The following ACOT7 variants were observed in gnomAD, a reference collection of about 807,000 sequenced individuals.
ACOT7 encodes the protein acyl-CoA thioesterase 7.
A neutral mutation model predicts 40.2 loss-of-function variants in ACOT7; 12 were observed. That is an observed-to-expected ratio of 0.30 (90% CI 0.19 to 0.48). The LOEUF is 0.48. ACOT7 is among the 20% of genes least tolerant of loss of function. The pLI, the probability that ACOT7 is intolerant of heterozygous loss-of-function variation, is 0.99. For synonymous variants in ACOT7, 228 were observed against 219.5 expected, an observed-to-expected ratio of 1.04 and a Z score of -0.34; for missense variants, 395 against 530.8, an observed-to-expected ratio of 0.74 and a Z score of 2.51.
chr1:6,335,070 C>T (rs1641061085), intron 3 of ACOT7, among the ~76,000 whole-genome samples: 1 of 152,104 alleles, frequency 6.6e-6, no homozygotes, highest in Admixed American at 6.6e-5. Flanking sequence ...GTGGCTCACA[C>T]CTGTAATCCC....
In ACOT7 at chr1:6,303,047, C is replaced by T. The variant is rs768870672; in HGVS notation, c.713-8067G>A. On this transcript the variant is annotated intron_variant, in intron 6 of 8. Transcript: ENST00000361521. ...CCAGAGGGAGCCACCCCGCTTCTGA[C>T]GCTGGAAGCCACTGTCTCCCTTTCA... 4.6e-5 allele frequency among the ~76,000 whole-genome samples: 7 copies of T among 152,340 alleles called. 1 individual carries two copies. The South Asian group carries it at 1.2e-3, about 27-fold the overall frequency.
At position 6,299,109 on chromosome 1, in the gene ACOT7, C is replaced by T. The variant is rs1308994817; in HGVS notation, c.713-4129G>A. On this transcript the variant is annotated intron_variant, in intron 6 of 8. Transcript: ENST00000361521. This position sits in a 1 kb window ranked among gnomAD's most constrained non-coding sequence, Gnocchi z 4.1. ...GGCTGGGAGTGAGTCCCCATCACCTCCGCCACTGCCGGCTGGGTGACCTTG... is the reference window on the plus strand; with the variant it reads ...GGCTGGGAGTGAGTCCCCATCACCTTCGCCACTGCCGGCTGGGTGACCTTG... 2.0e-5 allele frequency among the ~76,000 whole-genome samples: 3 copies of T among 152,244 alleles called. No homozygotes were observed. Among genetic ancestry groups the T allele is most frequent in the African/African-American group, 7.2e-5 (3 of 41,466 alleles).
At chr1:6,373,269 GAGA>G (rs1642166968) in intron 1 of ACOT7, among the ~76,000 whole-genome samples, 1 of 148,422 alleles carries the variant, frequency 6.7e-6, no homozygotes, top group Non-Finnish European at 1.5e-5. Flanking sequence ...TTTTTTTTTT[GAGA>G]AGGAGTCTCG....
At chr1:6,280,732 T>TA (rs2148378455) in intron 8 of ACOT7, among the ~76,000 whole-genome samples, 1 of 152,188 alleles carries the variant, frequency 6.6e-6, no homozygotes, top group South Asian at 2.1e-4. Context: ...CCAGCATTCT[T>TA]ACACAATGCC....
chr1:6,393,534 C>G lies in ACOT7; in HGVS notation c.-135G>C, dbSNP rs1436541011. On this transcript the variant is annotated 5_prime_UTR_variant, in exon 1 of 9. Coordinates refer to ENST00000361521, the MANE Select transcript of ACOT7 (RefSeq NM_007274.4). The stretch of plus-strand genomic sequence containing the variant: ...CCCCGAGCCCCGCCTCCCAGGCCGC[C>G]AAGGCTGCAGAGAGCTCGCGCGGGC... 1.2e-6 allele frequency: 1 copy of G among 813,284 alleles called. No homozygotes were observed. The highest frequency in any genetic ancestry group is 1.8e-5 in the African/African-American group (1 of 55,276). The allele number at this position is 813,284 out of a possible 1,614,324, so 50.4% of individuals were successfully genotyped here.
Position 6,294,766 on chromosome 1 carries a change from C to A in ACOT7, c.829+98G>T. The stretch of plus-strand genomic sequence containing the variant: ...TGTGGCAGATGGGCACACACCAAGG[C>A]CCACATGACCCTGGGTGTGAACAGA... On this transcript the variant is annotated intron_variant, in intron 7 of 8. Coordinates refer to ENST00000361521, the MANE Select transcript of ACOT7 (RefSeq NM_007274.4). This position sits in a 1 kb window ranked among gnomAD's most constrained non-coding sequence, Gnocchi z 4.6. 1 of 884,328 alleles carries A rather than the reference C, an allele frequency of 1.1e-6. No homozygotes were observed. The highest frequency in any genetic ancestry group is 1.8e-6 in the Non-Finnish European group (1 of 548,004). 54.8% of individuals were successfully genotyped at this position (884,328 alleles called of 1,614,324 possible).
chr1:6,367,198 CAAA>C (rs1192859880), intron 1 of ACOT7, among the ~76,000 whole-genome samples: 3 of 103,190 alleles, frequency 2.9e-5, no homozygotes, highest in African/African-American at 3.6e-5. Context: ...GACTCCATTT[CAAA>C]AAAAAAAAAA....
rs1024185426 is a variant in ACOT7, at chr1:6,288,580, T to C, written c.829+6284A>G. On this transcript the variant is annotated intron_variant, in intron 7 of 8. Transcript: ENST00000361521. This position sits in a 1 kb window ranked among gnomAD's most constrained non-coding sequence, Gnocchi z 4.3. ...GCAGGTCCCTAGCGTCAAAAGGCTG[T>C]GACAATGGAGGTGGCACTGGGTTGG... 3.3e-5 allele frequency among the ~76,000 whole-genome samples: 5 copies of C among 152,056 alleles called. No individual in the cohort carries two copies. The highest frequency in any genetic ancestry group is 7.2e-5 in the African/African-American group (3 of 41,400).
At chr1:6,341,069 C>T (rs1641264800) in intron 2 of ACOT7, among the ~76,000 whole-genome samples, 1 of 151,936 alleles carries the variant, frequency 6.6e-6, no homozygotes, top group South Asian at 2.1e-4. Flanking sequence ...ACTAAATACA[C>T]TCTCACCTTG....
intron 1 of ACOT7, among the ~76,000 whole-genome samples, chr1:6,374,069 C>T (rs1038548405): frequency 5.3e-5 from 8 of 152,206 alleles, no homozygotes; most frequent in African/African-American, 1.9e-4. Flanking sequence ...ATGCATTGGG[C>T]TTGTTTCTAC....
At position 6,356,579 on chromosome 1, in the gene ACOT7, C is replaced by A. The variant is rs372530572; in HGVS notation, c.144-6713G>T. Among the ~76,000 whole-genome samples, 93 of 152,300 alleles carry A rather than the reference C, an allele frequency of 6.1e-4. No homozygotes were observed. The East Asian group carries it at 0.014, about 24-fold the overall frequency. Reference sequence around the variant, plus strand: ...TGCCTGCCCCTTCCACAGCCCAGCACACGACCAGCTGGGAGTGTCACCAGT... The same window carrying A: ...TGCCTGCCCCTTCCACAGCCCAGCAAACGACCAGCTGGGAGTGTCACCAGT... On this transcript the variant is annotated intron_variant, in intron 1 of 8. Coordinates refer to ENST00000361521, the MANE Select transcript of ACOT7 (RefSeq NM_007274.4).
chr1:6,337,942 G>A (rs761464260), intron 3 of ACOT7, among the ~76,000 whole-genome samples: 33 of 142,294 alleles, frequency 2.3e-4, no homozygotes, highest in African/African-American at 6.8e-4. Flanking sequence ...CAGAGGTTGC[G>A]ATGAGCCAAG....
intron 7 of ACOT7, among the ~76,000 whole-genome samples, chr1:6,286,531 G>C (rs1639508563): frequency 6.6e-6 from 1 of 152,214 alleles, no homozygotes; most frequent in Non-Finnish European, 1.5e-5. Flanking sequence ...TGGCTTTGGA[G>C]TCAGATGGGC....
chr1:6,361,791 C>A (rs368461689), intron 1 of ACOT7, among the ~76,000 whole-genome samples: 2 of 152,050 alleles, frequency 1.3e-5, no homozygotes, highest in Non-Finnish European at 2.9e-5. Flanking sequence ...GGCAACAGAG[C>A]GGGACTCTGT....
rs1398853899 is a variant in ACOT7 at position 6,393,364 on chromosome 1, G to C, written c.36C>G (p.Gly12=). Residue 12 remains glycine, a synonymous_variant, in exon 1 of 9, where the codon GGC becomes GGG. Transcript: ENST00000361521. ...GCAGAAGGGCGCAGGTGTCTGGCAG[G>C]CCCGGCGCGGAATGAATGAGCCCGG... ...ARPGLIHSAP[G]LPDTCALLQP... 1.6e-6 allele frequency: 2 copies of C among 1,238,518 alleles called. No homozygotes were observed. Among genetic ancestry groups the C allele is most frequent in the Non-Finnish European group, 2.0e-6 (2 of 989,368 alleles). 76.7% of individuals were successfully genotyped at this position (1,238,518 alleles called of 1,614,324 possible).
intron 1 of ACOT7, among the ~76,000 whole-genome samples, chr1:6,371,187 A>G (rs534623904): frequency 6.6e-5 from 10 of 152,196 alleles, no homozygotes; most frequent in Non-Finnish European, 1.5e-4. Context: ...TCAGAAAACT[A>G]TGCTATAAAC....
At chr1:6,365,522 C>T (rs1055593906) in intron 1 of ACOT7, among the ~76,000 whole-genome samples, 1 of 152,134 alleles carries the variant, frequency 6.6e-6, no homozygotes, top group East Asian at 1.9e-4. Context: ...GTAATCCCAG[C>T]ACTTTGGGAG....
Position 6,318,472 on chromosome 1 carries a change from C to T in ACOT7, c.712+20G>A, listed in dbSNP as rs1480087294. The T allele has an allele frequency of 6.2e-7, 1 of 1,611,304 alleles. No individual in the cohort carries two copies. ...GAGCCAAGGGACAGGAATGGAGTGG[C>T]CAGGGCGCTTCCTTCTTACCTCCGT... On this transcript the variant is annotated intron_variant, in intron 6 of 8. Transcript: ENST00000361521.
At chr1:6,317,557 C>T (rs764239310) in intron 6 of ACOT7, among the ~76,000 whole-genome samples, 2 of 152,092 alleles carry the variant, frequency 1.3e-5, no homozygotes, top group Non-Finnish European at 2.9e-5. Context: ...CGGTGAGTCA[C>T]GATGCTAGTC....
Sources: gnomAD v4.1 joint callset for allele counts (sites outside exome capture counted in the v4.1 genomes callset) on GRCh38, gnomAD v4.1.1 for gene constraint, Gnocchi (gnomAD v3.1) non-coding constraint, MANE v1.5 for transcripts, NCBI Gene and HGNC (gene_info 2026-07-23, HGNC 2026-07-21) for gene names.